TECPR2: variants seen among roughly 807,000 people sequenced by gnomAD.
The protein encoded by TECPR2 is tectonin beta-propeller repeat containing 2.
In TECPR2, 65 loss-of-function variants were observed where a neutral mutation model predicts 138.1. The observed-to-expected ratio is 0.47, with a 90% confidence interval of 0.39 to 0.58. TECPR2 has a LOEUF of 0.58. Among genes scored for constraint, TECPR2 ranks in the 20% least tolerant of loss-of-function variants. The pLI is 0.00. For missense variants in TECPR2, 1,553 were observed against 1,824.5 expected, an observed-to-expected ratio of 0.85 and a Z score of 2.71; for synonymous variants, 746 against 749.8, an observed-to-expected ratio of 0.99 and a Z score of 0.08.
At chr14:102,414,607 G>A (rs754019604) in intron 4 of TECPR2, 29 bp from the exon 5 acceptor site, 2 of 1,612,888 alleles carry the variant, frequency 1.2e-6, no homozygotes, top group South Asian at 2.2e-5. Context: ...TGGCGCTGAT[G>A]TGAGGTGTAA....
At chr14:102,494,966 A>T (rs1891243136) in intron 17 of TECPR2, among the ~76,000 whole-genome samples, 1 of 152,152 alleles carries the variant, frequency 6.6e-6, no homozygotes. Flanking sequence ...TAATCTCAGC[A>T]CTTTGGGAGG....
Position 102,489,908 on chromosome 14 carries a change from C to T in TECPR2, c.3790-7071C>T, listed in dbSNP as rs1050558131. On this transcript the variant is annotated intron_variant, in intron 17 of 19. Coordinates refer to ENST00000359520, the MANE Select transcript of TECPR2 (RefSeq NM_014844.5). ...GCAGTGCCAGGCTCAGCCGGGAGTT[C>T]TTTTGCCTCCAAAGAAAGGCTTGAG... is the stretch of plus-strand genomic sequence containing the variant. 2.0e-5 allele frequency among the ~76,000 whole-genome samples: 3 copies of T among 151,900 alleles called. No individual in the cohort carries two copies. The South Asian group carries it at 6.2e-4, about 32-fold the overall frequency.
In TECPR2 at chr14:102,428,222, G is replaced by GTT. The variant is rs565236204; in HGVS notation, c.952-7_952-6dup. The GTT allele has an allele frequency of 0.016, 16,716 of 1,044,236 alleles. 175 individuals are homozygous for GTT. Among genetic ancestry groups the GTT allele is most frequent in the South Asian group, 0.021 (1,076 of 51,282 alleles). 64.7% of individuals were successfully genotyped at this position (1,044,236 alleles called of 1,614,324 possible). On this transcript the variant is annotated intron_variant, in intron 6 of 19. Transcript: ENST00000359520. ...ACCGTTGTTTAGTTTTGTGTTTTTT[G>GTT]TTTTTTTTTTTTTTTTTTTTTTGAC...
chr14:102,492,154 C>CA (rs1330532168), intron 17 of TECPR2, among the ~76,000 whole-genome samples: 2 of 152,240 alleles, frequency 1.3e-5, no homozygotes, highest in African/African-American at 4.8e-5. Context: ...TGCTTTTCGT[C>CA]AGACTGTGCT....
chr14:102,382,628 C>G (rs1353901910), intron 2 of TECPR2, among the ~76,000 whole-genome samples: 1 of 152,214 alleles, frequency 6.6e-6, no homozygotes, highest in African/African-American at 2.4e-5. Context: ...ATGGAACATT[C>G]ATCAATATAG....
At chr14:102,372,717 C>T (rs1034862162) in intron 1 of TECPR2, among the ~76,000 whole-genome samples, 1 of 151,974 alleles carries the variant, frequency 6.6e-6, no homozygotes, top group Admixed American at 6.6e-5. Context: ...ATCAGGAGTT[C>T]AAGACCAGCA....
At position 102,415,892 on chromosome 14, in the gene TECPR2, G is replaced by A. The variant is rs958204752; in HGVS notation, c.638+1099G>A. 1.3e-5 allele frequency among the ~76,000 whole-genome samples: 2 copies of A among 152,168 alleles called. No homozygotes were observed. The highest frequency in any genetic ancestry group is 4.8e-5 in the African/African-American group (2 of 41,436). On this transcript the variant is annotated intron_variant, in intron 5 of 19. Transcript: ENST00000359520. This position sits in a 1 kb window ranked among gnomAD's most constrained non-coding sequence, Gnocchi z 4.3. ...CATGGTGAGATTGGCAGGCGTTGAT[G>A]AGGCCCTGCGGCTGGTGGTGCCGTT...
At chr14:102,483,375 T>A (rs1275042146) in intron 17 of TECPR2, among the ~76,000 whole-genome samples, 2 of 151,900 alleles carry the variant, frequency 1.3e-5, no homozygotes, top group Admixed American at 6.6e-5. Context: ...TTTTCCTTTT[T>A]TTGTTGTTAT....
At chr14:102,414,931 G>A (rs1350314065) in intron 5 of TECPR2, 138 bp downstream of exon 5, 1 of 1,015,094 alleles carries the variant, frequency 9.9e-7, no homozygotes. Flanking sequence ...GGGGTTCCTG[G>A]TGGGGCCCTG....
chr14:102,488,797 A>G (rs937506486), intron 17 of TECPR2, among the ~76,000 whole-genome samples: 2 of 151,882 alleles, frequency 1.3e-5, no homozygotes, highest in African/African-American at 4.8e-5. Flanking sequence ...CTAAATTGTG[A>G]TAAAATACAC....
At chr14:102,414,039 T>C (rs930524123) in intron 4 of TECPR2, among the ~76,000 whole-genome samples, 2 of 152,234 alleles carry the variant, frequency 1.3e-5, no homozygotes, top group Non-Finnish European at 2.9e-5. Flanking sequence ...CATTTTATGT[T>C]AATAGCATTT....
intron 7 of TECPR2, among the ~76,000 whole-genome samples, chr14:102,430,316 C>G (rs746043686): frequency 1.4e-4 from 22 of 152,198 alleles, no homozygotes; most frequent in Non-Finnish European, 2.6e-4. Flanking sequence ...TCAATACTTA[C>G]AAGTAGCTGG....
intron 2 of TECPR2, among the ~76,000 whole-genome samples, chr14:102,385,572 T>C (rs1302833010): frequency 6.6e-6 from 1 of 152,080 alleles, no homozygotes; most frequent in Admixed American, 6.6e-5. Flanking sequence ...TACCAGAGAT[T>C]GAGGGAAGCT....
intron 13 of TECPR2, among the ~76,000 whole-genome samples, chr14:102,447,828 C>T (rs572563121): frequency 4.4e-4 from 67 of 152,064 alleles, no homozygotes; most frequent in Non-Finnish European, 2.8e-4. Flanking sequence ...CCACCGCGCC[C>T]GGCCAGTATT....
chr14:102,434,102 A>G, intron 8 of TECPR2, 133 bp from the exon 9 acceptor site: 1 of 747,146 alleles, frequency 1.3e-6, no homozygotes. Flanking sequence ...TGTACTTAAG[A>G]GGTTTATTCT....
intron 17 of TECPR2, among the ~76,000 whole-genome samples, chr14:102,488,712 C>T (rs1233066282): frequency 6.6e-6 from 1 of 151,952 alleles, no homozygotes; most frequent in Non-Finnish European, 1.5e-5. Context: ...GTACCCTTTA[C>T]CCAGTTCACA....
At chr14:102,436,379 C>T (rs962021852) in intron 9 of TECPR2, among the ~76,000 whole-genome samples, 17 of 148,856 alleles carry the variant, frequency 1.1e-4, no homozygotes, top group Admixed American at 1.0e-3. Context: ...AGCGCAGTGG[C>T]GCAATCATGG....
intron 16 of TECPR2, among the ~76,000 whole-genome samples, chr14:102,463,439 A>AG (rs1890468253): frequency 6.7e-6 from 1 of 148,926 alleles, no homozygotes; most frequent in African/African-American, 2.5e-5. Context: ...AAAAAAAAAA[A>AG]GAAAAAAACA....
At chr14:102,423,017 G>T (rs946682201) in intron 5 of TECPR2, among the ~76,000 whole-genome samples, 1 of 152,238 alleles carries the variant, frequency 6.6e-6, no homozygotes, top group African/African-American at 2.4e-5. Flanking sequence ...TCATCATTAT[G>T]TTACAGGTGC....
Sources: allele counts gnomAD v4.1 joint callset (sites outside exome capture counted in the v4.1 genomes callset), GRCh38; gene constraint gnomAD v4.1.1; non-coding constraint Gnocchi (gnomAD v3.1); transcripts MANE v1.5; gene names NCBI Gene and HGNC (gene_info 2026-07-23, HGNC 2026-07-21).